CDH13: variants seen among roughly 807,000 people sequenced by gnomAD.
The protein encoded by CDH13 is cadherin-13.
Under a neutral mutation model 63.8 loss-of-function variants are expected in CDH13, and 24 were observed. The ratio of observed to expected loss-of-function variants is 0.38; its 90% CI spans 0.27 to 0.53. CDH13 has a LOEUF of 0.53. Among genes scored for constraint, CDH13 ranks in the 20% least tolerant of loss-of-function variants. The probability of loss-of-function intolerance (pLI) is 0.85; values close to 1 mark genes in which losing one functional copy is unlikely to be tolerated. For missense variants in CDH13, 1,049 were observed against 903.1 expected (o/e 1.16, Z -2.07); for synonymous variants, 503 against 355.3 (o/e 1.42, Z -4.67).
chr16:83,194,434 A>C (rs780273953), intron 4 of CDH13, among the ~76,000 whole-genome samples: 2 of 152,210 alleles, frequency 1.3e-5, no homozygotes, highest in Non-Finnish European at 2.9e-5. Context: ...TTAGAGAAAA[A>C]GGAGAAAACC....
intron 3 of CDH13, among the ~76,000 whole-genome samples, chr16:83,080,088 T>C (rs543067267): frequency 3.9e-5 from 6 of 152,318 alleles, no homozygotes; most frequent in East Asian, 1.9e-4. Flanking sequence ...GACAGCAATC[T>C]TGTGGCCTGG....
intron 8 of CDH13, among the ~76,000 whole-genome samples, chr16:83,659,979 A>C (rs1404529856): frequency 6.6e-6 from 1 of 151,522 alleles, no homozygotes; most frequent in Non-Finnish European, 1.5e-5. Context: ...TAGAGACGGG[A>C]TTTCGCCATA....
chr16:82,965,773 A>G (rs1301318498), intron 2 of CDH13, among the ~76,000 whole-genome samples: 3 of 152,202 alleles, frequency 2.0e-5, no homozygotes, highest in East Asian at 1.9e-4. Flanking sequence ...GATTACAGGC[A>G]TGAGCCACTG....
chr16:83,616,411 G>A (rs180990919), intron 8 of CDH13, among the ~76,000 whole-genome samples: 50 of 151,994 alleles, frequency 3.3e-4, no homozygotes, highest in African/African-American at 9.9e-4. Context: ...TGCGAATTCC[G>A]TGCCTTTGCT....
intron 1 of CDH13, among the ~76,000 whole-genome samples, chr16:82,762,250 C>T (rs566444266): frequency 8.5e-5 from 13 of 152,278 alleles, no homozygotes; most frequent in South Asian, 2.1e-4. Flanking sequence ...TCTGCTCCCA[C>T]GATGATCTGA....
intron 8 of CDH13, among the ~76,000 whole-genome samples, chr16:83,648,261 G>T (rs1192678928): frequency 1.3e-5 from 2 of 152,140 alleles, no homozygotes; most frequent in Non-Finnish European, 2.9e-5. Context: ...TTACATGCAA[G>T]AACAAGCCAG....
intron 2 of CDH13, among the ~76,000 whole-genome samples, chr16:83,013,451 A>G (rs1914363155): frequency 6.6e-6 from 1 of 152,180 alleles, no homozygotes; most frequent in Admixed American, 6.5e-5. Context: ...GCCATAAACA[A>G]ACCAAGCAAG....
At chr16:82,839,781 A>G (rs985861916) in intron 1 of CDH13, among the ~76,000 whole-genome samples, 9 of 152,204 alleles carry the variant, frequency 5.9e-5, no homozygotes, top group African/African-American at 2.2e-4. Context: ...GAGGCTCTTC[A>G]CATTATCATA....
chr16:82,890,154 A>G (rs1360214966), intron 2 of CDH13, among the ~76,000 whole-genome samples: 1 of 152,196 alleles, frequency 6.6e-6, no homozygotes, highest in African/African-American at 2.4e-5. Context: ...GTTGCTAGAG[A>G]TTCCTTCCTG....
chr16:82,842,321 C>T (rs781573283), intron 1 of CDH13, among the ~76,000 whole-genome samples: 1 of 151,342 alleles, frequency 6.6e-6, no homozygotes, highest in African/African-American at 2.4e-5. Context: ...GAGTAGTAAC[C>T]AGTAGCTGCA....
intron 7 of CDH13, among the ~76,000 whole-genome samples, chr16:83,503,545 C>T (rs896377848): frequency 6.6e-6 from 1 of 152,100 alleles, no homozygotes; most frequent in South Asian, 2.1e-4. Flanking sequence ...AATCAGAAAC[C>T]TCCATTCCTT....
chr16:83,747,679 A>C (rs1008403834), intron 10 of CDH13, among the ~76,000 whole-genome samples: 5 of 150,570 alleles, frequency 3.3e-5, no homozygotes, highest in Non-Finnish European at 7.4e-5. Flanking sequence ...GCCCTGGATC[A>C]GAGGTAGTGA....
intron 11 of CDH13, among the ~76,000 whole-genome samples, chr16:83,768,444 C>T (rs1408476060): frequency 1.3e-5 from 2 of 152,136 alleles, no homozygotes; most frequent in Admixed American, 1.3e-4. Flanking sequence ...CACCAGGTTG[C>T]AGCAGAGAAA....
At chr16:83,131,963 C>T (rs143808130) in intron 4 of CDH13, among the ~76,000 whole-genome samples, 25 of 152,260 alleles carry the variant, frequency 1.6e-4, no homozygotes, top group Middle Eastern at 3.4e-3. Context: ...TCAGACATGA[C>T]GGTAATTTAC....
At chr16:82,992,827 A>T (rs1277554024) in intron 2 of CDH13, among the ~76,000 whole-genome samples, 1 of 152,226 alleles carries the variant, frequency 6.6e-6, no homozygotes, top group Non-Finnish European at 1.5e-5. Context: ...AGAGGAACAG[A>T]AAATCAATTC....
intron 1 of CDH13, among the ~76,000 whole-genome samples, chr16:82,662,540 A>C (rs1912076726): frequency 6.6e-6 from 1 of 152,110 alleles, no homozygotes; most frequent in South Asian, 2.1e-4. Context: ...GCTTGTTGGG[A>C]GAAGAAGGGA....
At chr16:83,392,300 C>A (rs910842557) in intron 6 of CDH13, among the ~76,000 whole-genome samples, 1 of 152,206 alleles carries the variant, frequency 6.6e-6, no homozygotes, top group African/African-American at 2.4e-5. Context: ...TTAAAGCCTC[C>A]TTAGCGCCGT....
In CDH13 at chr16:82,869,791, T is replaced by A. The variant is rs114421467; in HGVS notation, c.157+11318T>A. ...TGGATATCCATATGCAGAAGAATGA[T>A]AATAGAGCCCTATCTCTTGCCATAT... On this transcript the variant is annotated intron_variant, in intron 2 of 13. Coordinates refer to ENST00000567109, the MANE Select transcript of CDH13 (RefSeq NM_001257.5). Among the ~76,000 whole-genome samples, 1,469 of 152,218 alleles carry A rather than the reference T, an allele frequency of 9.7e-3. 27 individuals are homozygous for A. Among genetic ancestry groups the A allele is most frequent in the African/African-American group, 0.033 (1,383 of 41,522 alleles).
At chr16:83,134,273 A>T (rs1012996126) in intron 4 of CDH13, among the ~76,000 whole-genome samples, 1 of 152,058 alleles carries the variant, frequency 6.6e-6, no homozygotes, top group African/African-American at 2.4e-5. Flanking sequence ...GCTCACTGCA[A>T]CCTCTGCCTC....
Sources: allele counts gnomAD v4.1 joint callset (sites outside exome capture counted in the v4.1 genomes callset), GRCh38; gene constraint gnomAD v4.1.1; transcripts MANE v1.5; gene names NCBI Gene and HGNC (gene_info 2026-07-23, HGNC 2026-07-21).